Variants in NDST3 observed in about 807,000 individuals in gnomAD.
The protein encoded by NDST3 is bifunctional heparan sulfate N-deacetylase/N-sulfotransferase 3.
A neutral mutation model predicts 96.1 loss-of-function variants in NDST3; 58 were observed. The observed-to-expected ratio is 0.60, with a 90% CI of 0.49 to 0.75. The LOEUF (loss-of-function observed/expected upper bound fraction) is 0.75. NDST3 is among the 30% of genes least tolerant of loss of function. The pLI, the probability that NDST3 is intolerant of heterozygous loss-of-function variation, is 0.00. For synonymous variants in NDST3, 333 were observed against 359.7 expected (o/e 0.93, Z 0.84); for missense variants, 788 against 1,034.2 (o/e 0.76, Z 3.27).
chr4:118,240,493 ATTAG>A (rs1299748246), intron 10 of NDST3, 27 bp from the exon 11 acceptor site: 1 of 1,554,368 alleles, frequency 6.4e-7, no homozygotes, highest in East Asian at 2.3e-5. Context: ...TACGGTTCAG[ATTAG>A]TTTAATTATC....
intron 2 of NDST3, among the ~76,000 whole-genome samples, chr4:118,081,930 CA>C (rs1728056773): frequency 6.6e-6 from 1 of 152,096 alleles, no homozygotes; most frequent in African/African-American, 2.4e-5. Context: ...AATCTAGTAC[CA>C]ATGCTCATTT....
intron 6 of NDST3, among the ~76,000 whole-genome samples, chr4:118,180,793 A>C (rs553349835): frequency 1.3e-5 from 2 of 152,024 alleles, no homozygotes; most frequent in African/African-American, 4.8e-5. Context: ...CAGTCATCTT[A>C]TTTTTCAGTG....
intron 6 of NDST3, among the ~76,000 whole-genome samples, chr4:118,198,696 C>T (rs1334632081): frequency 3.3e-5 from 5 of 149,888 alleles, no homozygotes; most frequent in Non-Finnish European, 5.9e-5. Context: ...CCTTTTCTTT[C>T]TTATTAAAGT....
intron 1 of NDST3, among the ~76,000 whole-genome samples, chr4:118,046,398 T>C (rs1292640399): frequency 6.6e-6 from 1 of 152,160 alleles, no homozygotes; most frequent in Non-Finnish European, 1.5e-5. Flanking sequence ...AACCCAGGTC[T>C]CTCCATCTCC....
chr4:118,078,112 T>C (rs941823605), intron 2 of NDST3, among the ~76,000 whole-genome samples: 1 of 152,090 alleles, frequency 6.6e-6, no homozygotes, highest in Non-Finnish European at 1.5e-5. Context: ...CCCACGGGGC[T>C]CTCACTCACT....
At chr4:118,162,588 C>T (rs1735241691) in intron 6 of NDST3, among the ~76,000 whole-genome samples, 1 of 151,046 alleles carries the variant, frequency 6.6e-6, no homozygotes, top group Non-Finnish European at 1.5e-5. Flanking sequence ...ACACCTTATA[C>T]AAAAATCAAT....
At chr4:118,198,189 T>G (rs1737827105) in intron 6 of NDST3, among the ~76,000 whole-genome samples, 1 of 152,196 alleles carries the variant, frequency 6.6e-6, no homozygotes, top group South Asian at 2.1e-4. Flanking sequence ...GACTTACCCC[T>G]GCCATTTTGT....
chr4:118,226,989 A>G lies in NDST3; in HGVS notation c.1819+7A>G. On this transcript the variant is annotated splice_region_variant and intron_variant, in intron 8 of 13. Coordinates refer to ENST00000296499, the MANE Select transcript of NDST3 (RefSeq NM_004784.3). ...ATAGGACCCCAGAAAACTGGTGAGA[A>G]CTTTTTATGTTATGATTAACGAGTG... 1 of 1,578,114 alleles carries G rather than the reference A, an allele frequency of 6.3e-7. No individual in the cohort carries two copies. Among genetic ancestry groups the G allele is most frequent in the Non-Finnish European group, 8.7e-7 (1 of 1,150,522 alleles).
intron 4 of NDST3, among the ~76,000 whole-genome samples, chr4:118,123,684 T>A (rs1390457396): frequency 6.6e-6 from 1 of 152,136 alleles, no homozygotes; most frequent in Non-Finnish European, 1.5e-5. Flanking sequence ...CAAAAGCGCA[T>A]CCTTTAGTGC....
At chr4:118,228,580 C>T (rs946244234) in intron 8 of NDST3, among the ~76,000 whole-genome samples, 2 of 152,048 alleles carry the variant, frequency 1.3e-5, no homozygotes, top group East Asian at 3.8e-4. Flanking sequence ...TTGATTTTTC[C>T]CAGTTTTGTT....
intron 9 of NDST3, among the ~76,000 whole-genome samples, chr4:118,236,217 G>A (rs911001706): frequency 9.2e-5 from 14 of 152,116 alleles, no homozygotes; most frequent in African/African-American, 3.4e-4. Flanking sequence ...TTCCTCTAAA[G>A]GATGTTCCTT....
intron 2 of NDST3, among the ~76,000 whole-genome samples, chr4:118,094,616 A>G (rs1323755845): frequency 6.6e-6 from 1 of 151,858 alleles, no homozygotes; most frequent in African/African-American, 2.4e-5. Flanking sequence ...TCAGTCAAAT[A>G]TTATTCTTTC....
intron 8 of NDST3, among the ~76,000 whole-genome samples, chr4:118,231,364 T>C (rs142914357): frequency 0.015 from 2,242 of 150,322 alleles, 61 homozygotes; most frequent in African/African-American, 0.049. Flanking sequence ...ATAATAATAA[T>C]ACTATTTAAG....
chr4:118,156,210 T>C (rs1734701239), intron 6 of NDST3, among the ~76,000 whole-genome samples: 1 of 152,202 alleles, frequency 6.6e-6, no homozygotes, highest in African/African-American at 2.4e-5. Flanking sequence ...CTTTGTACTA[T>C]CTCACTCTAT....
intron 5 of NDST3, among the ~76,000 whole-genome samples, chr4:118,141,199 C>G (rs536108965): frequency 1.3e-5 from 2 of 152,114 alleles, no homozygotes; most frequent in Non-Finnish European, 2.9e-5. Context: ...AGGGGTTCAT[C>G]GGCATCTCAA....
intron 4 of NDST3, among the ~76,000 whole-genome samples, chr4:118,127,004 G>C (rs1437514438): frequency 6.6e-6 from 1 of 151,978 alleles, no homozygotes; most frequent in Non-Finnish European, 1.5e-5. Flanking sequence ...TTTGAGAAAT[G>C]TCTATTCAAG....
Position 118,249,731 on chromosome 4 carries a change from T to TACACACACACACACACACACAC in NDST3, c.2400-3758_2400-3737dup, listed in dbSNP as rs60479821. Among the ~76,000 whole-genome samples the TACACACACACACACACACACAC allele has an allele frequency of 8.9e-4, 130 of 145,596 alleles. 1 individual carries two copies. The highest frequency in any genetic ancestry group is 1.6e-3 in the Non-Finnish European group (107 of 65,762). ...ACTACATATAGACTACAGCCCCACA[T>TACACACACACACACACACACAC]ACACACACACACACACACACACACA... On this transcript the variant is annotated intron_variant, in intron 12 of 13. Coordinates refer to ENST00000296499, the MANE Select transcript of NDST3 (RefSeq NM_004784.3).
At chr4:118,166,972 G>C (rs12506091) in intron 6 of NDST3, among the ~76,000 whole-genome samples, 77,758 of 151,276 alleles carry the variant, frequency 0.51, 23,999 homozygotes, top group East Asian at 0.74. Context: ...GAAAACTTGC[G>C]TGAGGAACAA....
chr4:118,194,524 G>C, intron 6 of NDST3: 1 of 722,142 alleles, frequency 1.4e-6, no homozygotes, highest in South Asian at 1.4e-5. Flanking sequence ...GGTCAAAGGA[G>C]AATTTGTCCT....
Sources: gnomAD v4.1 joint callset for allele counts (sites outside exome capture counted in the v4.1 genomes callset) on GRCh38, gnomAD v4.1.1 for gene constraint, MANE v1.5 for transcripts, NCBI Gene and HGNC (gene_info 2026-07-23, HGNC 2026-07-21) for gene names.